Variants in NEU3 observed in about 807,000 individuals in gnomAD.
NEU3 encodes the protein sialidase-3.
In NEU3, 10 loss-of-function variants were observed where a neutral mutation model predicts 11.4. The ratio of observed to expected loss-of-function variants is 0.88; its 90% CI spans 0.54 to 1.49. The LOEUF is 1.49. Among genes scored for constraint, NEU3 ranks in the 40% most tolerant of loss-of-function variants. The probability of loss-of-function intolerance (pLI) is 0.00; values close to 1 mark genes in which losing one functional copy is unlikely to be tolerated. For missense variants in NEU3, 529 were observed against 581.8 expected, an observed-to-expected ratio of 0.91 and a Z score of 0.93; for synonymous variants, 212 against 228.2, an observed-to-expected ratio of 0.93 and a Z score of 0.64.
At chr11:75,015,310 G>A (rs1948976084), downstream of NEU3, among the ~76,000 whole-genome samples, 1 of 152,132 alleles carries the variant, frequency 6.6e-6, no homozygotes, top group African/African-American at 2.4e-5. Flanking sequence ...CAAATCTGCT[G>A]GTAGCTTGAT....
At chr11:74,989,309 G>A (rs1167996170) in intron 1 of NEU3, among the ~76,000 whole-genome samples, 155 bp downstream of exon 1, 1 of 152,198 alleles carries the variant, frequency 6.6e-6, no homozygotes, top group South Asian at 2.1e-4. Context: ...AGAATTCTTG[G>A]CTAGTCCTAT....
intron 3 of NEU3, among the ~76,000 whole-genome samples, chr11:75,018,516 C>T (rs1172954375): frequency 6.6e-6 from 1 of 152,148 alleles, no homozygotes; most frequent in Non-Finnish European, 1.5e-5. Context: ...ATCTTTCTCC[C>T]TTGCTGAATG....
At chr11:75,001,623 A>G (rs1948844979) in intron 2 of NEU3, among the ~76,000 whole-genome samples, 1 of 152,104 alleles carries the variant, frequency 6.6e-6, no homozygotes, top group Non-Finnish European at 1.5e-5. Flanking sequence ...GCAAATTTTT[A>G]AGCCACAACC....
In NEU3 at chr11:74,988,981, T is replaced by G; in HGVS notation, c.-80T>G. The G allele has an allele frequency of 9.4e-7, 1 of 1,065,776 alleles. No homozygotes were observed. Among genetic ancestry groups the G allele is most frequent in the Non-Finnish European group, 1.4e-6 (1 of 722,862 alleles). The allele number at this position is 1,065,776 out of a possible 1,614,324, so 66.0% of individuals were successfully genotyped here. A position where few individuals can be genotyped will look rare whatever the true frequency, so the allele number is the denominator to read the frequency against. ...GGGGCTTGTCTCCGTGTCCTCCGTCTCAGTTGTTTCTCCCTCTCTATCCTC... is the reference window on the plus strand; with the variant it reads ...GGGGCTTGTCTCCGTGTCCTCCGTCGCAGTTGTTTCTCCCTCTCTATCCTC... On this transcript the variant is annotated 5_prime_UTR_variant, in exon 1 of 3. Coordinates refer to ENST00000294064, the MANE Select transcript of NEU3 (RefSeq NM_006656.6).
chr11:74,996,133 G>A (rs1164850646), intron 2 of NEU3, among the ~76,000 whole-genome samples: 2 of 152,088 alleles, frequency 1.3e-5, no homozygotes, highest in African/African-American at 4.8e-5. Flanking sequence ...CCGCCTGGGG[G>A]ACAGAGCAAT....
chr11:74,996,591 A>G lies in NEU3; in HGVS notation c.306+1871A>G, dbSNP rs1036064249. Among the ~76,000 whole-genome samples, 73 of 152,158 alleles carry G rather than the reference A, an allele frequency of 4.8e-4. 1 individual carries two copies. The highest frequency in any genetic ancestry group is 1.6e-3 in the African/African-American group (66 of 41,416). On this transcript the variant is annotated intron_variant, in intron 2 of 2. Coordinates refer to ENST00000294064, the MANE Select transcript of NEU3 (RefSeq NM_006656.6). ...CATGAGTATGGGAATCAACTTCTCA[A>G]TGTCTCTTAATGTTAATATTATGAC...
At chr11:74,989,704 A>G (rs1948709905) in intron 1 of NEU3, among the ~76,000 whole-genome samples, 1 of 152,196 alleles carries the variant, frequency 6.6e-6, no homozygotes, top group South Asian at 2.1e-4. Context: ...TTACATTATT[A>G]TAGTCTGAGA....
chr11:74,994,586 C>T lies in NEU3; in HGVS notation c.172C>T (p.Arg58Trp), dbSNP rs754150123. Residue 58 changes from arginine (R) to tryptophan (W), a missense_variant, in exon 2 of 3, where the codon CGG (arginine) becomes TGG (tryptophan). Coordinates refer to ENST00000294064, the MANE Select transcript of NEU3 (RefSeq NM_006656.6). ...RQEDDRGITYRIPALLYIPPT... is the reference protein window; with the variant it reads ...RQEDDRGITYWIPALLYIPPT... ...GGAAGATGACAGAGGGATTACCTACCGGATCCCAGCCCTGCTCTACATACC... is the reference window on the plus strand; with the variant it reads ...GGAAGATGACAGAGGGATTACCTACTGGATCCCAGCCCTGCTCTACATACC... 6.2e-6 allele frequency: 10 copies of T among 1,613,834 alleles called. No individual in the cohort carries two copies. The highest frequency in any genetic ancestry group is 3.3e-4 in the Middle Eastern group (2 of 6,082).
intron 3 of NEU3, among the ~76,000 whole-genome samples, chr11:75,017,028 G>T (rs1948983631): frequency 6.6e-6 from 1 of 152,222 alleles, no homozygotes; most frequent in African/African-American, 2.4e-5. Flanking sequence ...GGCCAGAATG[G>T]TGGTGGCAGT....
chr11:74,985,213 A>G (rs1487740702), upstream of NEU3, among the ~76,000 whole-genome samples: 3 of 152,202 alleles, frequency 2.0e-5, no homozygotes, highest in Non-Finnish European at 4.4e-5. Context: ...TATAAAGGAA[A>G]TATTTCAGAC....
chr11:74,985,348 A>G (rs1333290131), upstream of NEU3, among the ~76,000 whole-genome samples: 7 of 152,198 alleles, frequency 4.6e-5, no homozygotes. Flanking sequence ...CTGCACTTTC[A>G]GAAGTTACTA....
intron 2 of NEU3, among the ~76,000 whole-genome samples, chr11:74,998,200 C>T (rs1015130049): frequency 6.6e-6 from 1 of 152,144 alleles, no homozygotes; most frequent in African/African-American, 2.4e-5. Flanking sequence ...TGTCATACTC[C>T]AAAACAATTA....
downstream of NEU3, among the ~76,000 whole-genome samples, chr11:75,011,492 C>T (rs1249120406): frequency 6.6e-6 from 1 of 152,178 alleles, no homozygotes; most frequent in African/African-American, 2.4e-5. Context: ...TGGTTCATAC[C>T]TGCAATCCCA....
At chr11:74,990,869 G>A (rs954691499) in intron 1 of NEU3, among the ~76,000 whole-genome samples, 4 of 152,184 alleles carry the variant, frequency 2.6e-5, no homozygotes, top group Admixed American at 6.5e-5. Flanking sequence ...TTTTAAGAAA[G>A]GGAGTTGTAA....
chr11:74,984,077 T>C (rs577804724), upstream of NEU3, among the ~76,000 whole-genome samples: 24 of 152,276 alleles, frequency 1.6e-4, no homozygotes, highest in African/African-American at 5.1e-4. Context: ...TCAGTTTAAT[T>C]AGAGTGACAG....
downstream of NEU3, among the ~76,000 whole-genome samples, chr11:75,020,466 G>T (rs113229462): frequency 1.3e-5 from 2 of 152,082 alleles, no homozygotes; most frequent in African/African-American, 2.4e-5. Flanking sequence ...GAATCATAGG[G>T]GCAGGTCTTT....
At chr11:75,013,762 C>T (rs1014302184), downstream of NEU3, among the ~76,000 whole-genome samples, 8 of 152,198 alleles carry the variant, frequency 5.3e-5, no homozygotes, top group African/African-American at 1.4e-4. Context: ...TACATTCTCT[C>T]GCTTAATTCA....
downstream of NEU3, among the ~76,000 whole-genome samples, chr11:75,012,618 A>G (rs1159147611): frequency 6.6e-6 from 1 of 152,044 alleles, no homozygotes; most frequent in Non-Finnish European, 1.5e-5. Flanking sequence ...ACAATGTAAT[A>G]TATCAGAAGA....
chr11:74,997,518 C>T (rs1262806665), intron 2 of NEU3, among the ~76,000 whole-genome samples: 1 of 152,046 alleles, frequency 6.6e-6, no homozygotes, highest in Non-Finnish European at 1.5e-5. Flanking sequence ...CTTATCATTC[C>T]TGTATTCACT....
Sources: gnomAD v4.1 joint callset for allele counts (sites outside exome capture counted in the v4.1 genomes callset) on GRCh38, gnomAD v4.1.1 for gene constraint, MANE v1.5 for transcripts, NCBI Gene and HGNC (gene_info 2026-07-23, HGNC 2026-07-21) for gene names.